Variants in RYR3 observed in about 807,000 individuals in gnomAD.
The protein encoded by RYR3 is brain ryanodine receptor-calcium release channel.
In RYR3, 207 loss-of-function variants were observed where a neutral mutation model predicts 584.3. The observed-to-expected ratio is 0.35, with a 90% CI of 0.32 to 0.40. RYR3 has a LOEUF of 0.40. Ranked by LOEUF, RYR3 falls within the 10% of genes least tolerant of loss-of-function variation. The probability of loss-of-function intolerance (pLI) is 1.00; values close to 1 mark genes in which losing one functional copy is unlikely to be tolerated. For synonymous variants in RYR3, 2,416 were observed against 2,248.5 expected, an observed-to-expected ratio of 1.07 and a Z score of -2.11; for missense variants, 5,616 against 6,089.2, an observed-to-expected ratio of 0.92 and a Z score of 2.59.
chr15:33,601,078 T>C (rs1202415369), intron 16 of RYR3, among the ~76,000 whole-genome samples: 1 of 152,116 alleles, frequency 6.6e-6, no homozygotes, highest in African/African-American at 2.4e-5. Context: ...CTGGCCTAGC[T>C]AGGATATTGT....
intron 38 of RYR3, among the ~76,000 whole-genome samples, chr15:33,673,875 G>A (rs926838761): frequency 5.9e-5 from 9 of 152,194 alleles, no homozygotes; most frequent in Non-Finnish European, 1.3e-4. Context: ...GGGTGGCATC[G>A]GTTAAGAACT....
At chr15:33,815,272 T>C (rs1292640570) in intron 74 of RYR3, 2 of 152,126 alleles carry the variant, frequency 1.3e-5, no homozygotes, top group Admixed American at 6.5e-5. Flanking sequence ...TCATAGCCCG[T>C]TAGAAAAAGC....
chr15:33,834,649 C>T (rs183450590), intron 86 of RYR3, among the ~76,000 whole-genome samples: 1 of 152,180 alleles, frequency 6.6e-6, no homozygotes, highest in African/African-American at 2.4e-5. Context: ...GCCCTTCAGC[C>T]CTGTGTCAAC....
chr15:33,509,015 T>G (rs1366868170), intron 3 of RYR3, among the ~76,000 whole-genome samples: 3 of 152,138 alleles, frequency 2.0e-5, no homozygotes, highest in Admixed American at 6.5e-5. Flanking sequence ...CGTGTAAAGG[T>G]CCTTAGAGTG....
chr15:33,716,063 G>A (rs1428334943), intron 43 of RYR3, among the ~76,000 whole-genome samples: 1 of 152,088 alleles, frequency 6.6e-6, no homozygotes, highest in Non-Finnish European at 1.5e-5. Context: ...TTGCTTAAGT[G>A]TGTGGTACCT....
In RYR3 at chr15:33,820,759, T is replaced by A. The variant is rs754275070; in HGVS notation, c.10762T>A (p.Cys3588Ser). The change falls in exon 78 of 104, where the codon TGT becomes AGT. Residue 3588 changes from cysteine (C) to serine (S), a missense_variant. By Grantham distance (112) the Cys-to-Ser change is moderately radical (BLOSUM62 -1). Transcript: ENST00000634891. ...TSYSSMMAKS[C>S]QSGEDEEEDE... The stretch of plus-strand genomic sequence containing the variant: ...TTCCCTGCTCCATGAAATCCAGAGT[T>A]GTCAAAGTGGTGAGGATGAAGAAGA... 6.2e-7 allele frequency: 1 copy of A among 1,605,738 alleles called. No homozygotes were observed. The highest frequency in any genetic ancestry group is 8.5e-7 in the Non-Finnish European group (1 of 1,176,006).
chr15:33,607,538 A>G (rs2059968098), intron 18 of RYR3, among the ~76,000 whole-genome samples: 1 of 152,190 alleles, frequency 6.6e-6, no homozygotes, highest in African/African-American at 2.4e-5. Context: ...AAGCTCTCTG[A>G]AACAAGTTTG....
At chr15:33,751,913 G>T (rs1019849557) in intron 57 of RYR3, among the ~76,000 whole-genome samples, 3 of 152,148 alleles carry the variant, frequency 2.0e-5, no homozygotes, top group Admixed American at 6.5e-5. Flanking sequence ...TGTATAAGGT[G>T]TAGAGAAGGG....
intron 1 of RYR3, among the ~76,000 whole-genome samples, chr15:33,440,525 A>G (rs954954012): frequency 1.9e-4 from 29 of 152,290 alleles, no homozygotes; most frequent in African/African-American, 7.0e-4. Context: ...ATTGGCATCT[A>G]GTGGGTTGAG....
intron 32 of RYR3, among the ~76,000 whole-genome samples, chr15:33,658,959 T>C (rs1010108763): frequency 2.0e-5 from 3 of 152,132 alleles, no homozygotes; most frequent in South Asian, 2.1e-4. Context: ...AGGGAGACAG[T>C]GTCCTTTTGT....
chr15:33,586,705 C>T (rs1427954486), intron 16 of RYR3, among the ~76,000 whole-genome samples: 1 of 152,248 alleles, frequency 6.6e-6, no homozygotes, highest in African/African-American at 2.4e-5. Flanking sequence ...AAGGGCATCT[C>T]ACTAAGTGGA....
chr15:33,747,821 G>A (rs2070893253), intron 53 of RYR3, among the ~76,000 whole-genome samples: 1 of 152,154 alleles, frequency 6.6e-6, no homozygotes, highest in African/African-American at 2.4e-5. Context: ...ACTAGAACAT[G>A]AGGAGCCACT....
intron 1 of RYR3, among the ~76,000 whole-genome samples, chr15:33,387,241 A>G (rs1287175380): frequency 2.0e-5 from 3 of 152,166 alleles, no homozygotes; most frequent in Non-Finnish European, 4.4e-5. Context: ...CTGATGGACA[A>G]TTGGGTTGCT....
chr15:33,438,312 C>T (rs572660467), intron 1 of RYR3, among the ~76,000 whole-genome samples: 2 of 152,262 alleles, frequency 1.3e-5, no homozygotes, highest in South Asian at 4.2e-4. Context: ...GTACTTCCCT[C>T]CCCATCCTCC....
chr15:33,675,425 T>TTAC (rs2064115564), intron 38 of RYR3, among the ~76,000 whole-genome samples: 1 of 152,246 alleles, frequency 6.6e-6, no homozygotes, highest in East Asian at 1.9e-4. Flanking sequence ...TTGTCACTTA[T>TTAC]GTAATAACAT....
At chr15:33,640,660 A>AG (rs1427357156) in intron 27 of RYR3, among the ~76,000 whole-genome samples, 1 of 152,200 alleles carries the variant, frequency 6.6e-6, no homozygotes, top group Non-Finnish European at 1.5e-5. Context: ...AACCAGTATG[A>AG]GGCCTTATAA....
intron 67 of RYR3, among the ~76,000 whole-genome samples, chr15:33,799,044 G>A (rs899948052): frequency 1.3e-5 from 2 of 151,648 alleles, no homozygotes; most frequent in African/African-American, 4.9e-5. Context: ...ACCATTTTGA[G>A]ACGCATTTTT....
intron 65 of RYR3, among the ~76,000 whole-genome samples, chr15:33,783,431 A>G (rs185363958): frequency 1.2e-4 from 18 of 152,344 alleles, no homozygotes; most frequent in Admixed American, 1.1e-3. Flanking sequence ...ATGCTGTGGC[A>G]TTTGAAATAC....
At chr15:33,320,499 T>A (rs546287053) in intron 1 of RYR3, among the ~76,000 whole-genome samples, 2 of 152,374 alleles carry the variant, frequency 1.3e-5, no homozygotes, top group African/African-American at 4.8e-5. Context: ...GTTTGTTGTT[T>A]TTGACAGCTC....
Sources: allele counts gnomAD v4.1 joint callset (sites outside exome capture counted in the v4.1 genomes callset), GRCh38; gene constraint gnomAD v4.1.1; transcripts MANE v1.5; gene names NCBI Gene and HGNC (gene_info 2026-07-23, HGNC 2026-07-21).